KAZN: variants seen among roughly 807,000 people sequenced by gnomAD.
KAZN encodes the protein kazrin, periplakin interacting protein.
A neutral mutation model predicts 87.4 loss-of-function variants in KAZN; 40 were observed. That is an observed-to-expected ratio of 0.46 (90% confidence interval 0.36 to 0.60). The LOEUF (loss-of-function observed/expected upper bound fraction) is 0.60, where lower values mean the gene tolerates loss of function less well. KAZN is among the 20% of genes least tolerant of loss of function. The pLI is 0.00. For missense variants in KAZN, 898 were observed against 1,073.9 expected (o/e 0.84, Z 2.29); for synonymous variants, 466 against 458.3 (o/e 1.02, Z -0.22).
chr1:14,271,340 C>G (rs928768113), intron 2 of KAZN, among the ~76,000 whole-genome samples: 4 of 152,216 alleles, frequency 2.6e-5, no homozygotes, highest in African/African-American at 4.8e-5. Flanking sequence ...GAGGAACCCT[C>G]AGCGCATATC....
chr1:14,714,576 C>T (rs1436042546), intron 1 of KAZN, among the ~76,000 whole-genome samples: 8 of 151,972 alleles, frequency 5.3e-5, no homozygotes, highest in East Asian at 1.9e-4. Context: ...GTTGCTCTTC[C>T]CCACTTCAAG....
At chr1:14,344,886 A>G (rs1339535945) in intron 2 of KAZN, among the ~76,000 whole-genome samples, 1 of 151,934 alleles carries the variant, frequency 6.6e-6, no homozygotes, top group African/African-American at 2.4e-5. Flanking sequence ...CAGGGACTCA[A>G]CACAAACACA....
chr1:15,066,578 A>G lies in KAZN; in HGVS notation c.1222+825A>G, dbSNP rs999813234. 4.2e-5 allele frequency: 41 copies of G among 984,478 alleles called. No homozygotes were observed. The Admixed American group carries it at 9.2e-4, about 22-fold the overall frequency. The allele number at this position is 984,478 out of a possible 1,614,324, so 61.0% of individuals were successfully genotyped here. ...TCTTTATGAAAAAAAAGAAAAAAAGAAAATTGTTTCATTTAATTTATTTGC... is the reference window on the plus strand; with the variant it reads ...TCTTTATGAAAAAAAAGAAAAAAAGGAAATTGTTTCATTTAATTTATTTGC... On this transcript the variant is annotated intron_variant, in intron 8 of 14. Transcript: ENST00000376030. This position sits in a 1 kb window ranked among gnomAD's most constrained non-coding sequence, Gnocchi z 4.3.
chr1:14,570,120 T>A (rs1674775360), intron 2 of KAZN, among the ~76,000 whole-genome samples: 1 of 151,882 alleles, frequency 6.6e-6, no homozygotes, highest in African/African-American at 2.4e-5. Flanking sequence ...CTCAAAAAAA[T>A]TAATAATAAA....
chr1:14,287,871 G>C (rs1253674189), intron 2 of KAZN, among the ~76,000 whole-genome samples: 1 of 152,180 alleles, frequency 6.6e-6, no homozygotes, highest in East Asian at 1.9e-4. Context: ...TTAGTTTATT[G>C]AGAGTTTTCA....
At chr1:14,971,987 G>A (rs1201018609) in intron 2 of KAZN, among the ~76,000 whole-genome samples, 2 of 152,086 alleles carry the variant, frequency 1.3e-5, no homozygotes, top group African/African-American at 4.8e-5. Context: ...CTGCAGCAGA[G>A]GCTGTCTTTA....
intron 2 of KAZN, among the ~76,000 whole-genome samples, chr1:14,313,900 AG>A (rs1655470948): frequency 6.6e-6 from 1 of 151,596 alleles, no homozygotes; most frequent in African/African-American, 2.4e-5. Flanking sequence ...TCATAAATGT[AG>A]GAAAAAAAAT....
chr1:14,836,467 C>T (rs1647274035), intron 1 of KAZN, among the ~76,000 whole-genome samples: 1 of 152,208 alleles, frequency 6.6e-6, no homozygotes, highest in African/African-American at 2.4e-5. Context: ...CCAGATGTTC[C>T]ACCGCTAAAG....
intron 2 of KAZN, among the ~76,000 whole-genome samples, chr1:14,434,799 G>A (rs148158509): frequency 2.6e-5 from 4 of 151,908 alleles, no homozygotes; most frequent in South Asian, 2.1e-4. Context: ...GGCACTGTCT[G>A]CTTTTCTCAC....
chr1:14,535,237 C>A (rs1400741994), intron 2 of KAZN, among the ~76,000 whole-genome samples: 2 of 152,210 alleles, frequency 1.3e-5, no homozygotes, highest in Non-Finnish European at 2.9e-5. Context: ...CTGTGACAAT[C>A]CCCAACCCTG....
chr1:14,728,289 T>TAAAAA (rs55745144), intron 1 of KAZN, among the ~76,000 whole-genome samples: 8 of 29,788 alleles, frequency 2.7e-4, no homozygotes, highest in Admixed American at 4.6e-4. Flanking sequence ...ACCGTATATA[T>TAAAAA]AAAAAAAAAA....
chr1:14,057,043 C>CCAAA (rs767394897), intron 1 of KAZN, among the ~76,000 whole-genome samples: 1 of 91,676 alleles, frequency 1.1e-5, no homozygotes, highest in African/African-American at 3.4e-5. Context: ...GACCCTGTCT[C>CCAAA]AAAAAAAAAA....
chr1:14,540,371 T>C (rs1256418067), intron 2 of KAZN, among the ~76,000 whole-genome samples: 1 of 152,170 alleles, frequency 6.6e-6, no homozygotes, highest in South Asian at 2.1e-4. Context: ...CACCCTGTTT[T>C]GTGAAGGTGA....
At chr1:14,691,863 CT>C in intron 1 of KAZN, among the ~76,000 whole-genome samples, 1 of 152,058 alleles carries the variant, frequency 6.6e-6, no homozygotes, top group African/African-American at 2.4e-5. Flanking sequence ...CAGCAAGCAC[CT>C]GATCCAGGCC....
chr1:14,397,722 G>A (rs537220187), intron 2 of KAZN, among the ~76,000 whole-genome samples: 5 of 152,000 alleles, frequency 3.3e-5, no homozygotes, highest in African/African-American at 9.6e-5. Flanking sequence ...TTAGCTGGGC[G>A]TGGTGGCAGG....
In KAZN at chr1:15,031,473, G is replaced by A. The variant is rs187130396; in HGVS notation, c.419-3276G>A. 1.8e-3 allele frequency among the ~76,000 whole-genome samples: 274 copies of A among 152,330 alleles called. 3 individuals carry two copies. The highest frequency in any genetic ancestry group is 6.2e-3 in the African/African-American group (256 of 41,580). The stretch of plus-strand genomic sequence containing the variant: ...TCAGAGGCTGCCCTGAGTCTGTTCC[G>A]TGCACCAAGGAGCCAGCGCTGTGGG... On this transcript the variant is annotated intron_variant, in intron 2 of 14. Coordinates refer to ENST00000376030, the MANE Select transcript of KAZN (RefSeq NM_201628.3).
At chr1:14,074,417 G>T (rs1190238733) in intron 1 of KAZN, among the ~76,000 whole-genome samples, 1 of 152,150 alleles carries the variant, frequency 6.6e-6, no homozygotes, top group Non-Finnish European at 1.5e-5. Context: ...AGCACCCCTT[G>T]ACCATCTCCA....
chr1:14,512,049 G>C (rs1028787644), intron 2 of KAZN, among the ~76,000 whole-genome samples: 1 of 152,096 alleles, frequency 6.6e-6, no homozygotes, highest in Non-Finnish European at 1.5e-5. Context: ...GCACGCTGCT[G>C]TTTTCCCTAC....
rs7548953 is a variant in KAZN, at chr1:14,856,789, C to T, written c.227-103895C>T. On this transcript the variant is annotated intron_variant, in intron 1 of 14. Coordinates refer to ENST00000376030, the MANE Select transcript of KAZN (RefSeq NM_201628.3). This position sits in a 1 kb window ranked among gnomAD's most constrained non-coding sequence, Gnocchi z 5.2. The stretch of plus-strand genomic sequence containing the variant: ...ATAAAGATGAGCATATGTTTGTTGC[C>T]GGGCTGTTGCAGAGAGTTTGCAATT... 3.3e-5 allele frequency among the ~76,000 whole-genome samples: 5 copies of T among 152,088 alleles called. No individual in the cohort carries two copies. Among genetic ancestry groups the T allele is most frequent in the Non-Finnish European group, 5.9e-5 (4 of 68,032 alleles).
Sources: gnomAD v4.1 joint callset for allele counts (sites outside exome capture counted in the v4.1 genomes callset) on GRCh38, gnomAD v4.1.1 for gene constraint, Gnocchi (gnomAD v3.1) non-coding constraint, MANE v1.5 for transcripts, NCBI Gene and HGNC (gene_info 2026-07-23, HGNC 2026-07-21) for gene names.